LIMCH1: variants seen among roughly 807,000 people sequenced by gnomAD.
The protein encoded by LIMCH1 is LIM and calponin homology domains 1, also known as LIM and calponin homology domains-containing protein 1.
LIMCH1 carries 113 observed loss-of-function variants against 176.5 expected under a neutral mutation model. That is an observed-to-expected ratio of 0.64 (90% CI 0.55 to 0.75). The LOEUF (loss-of-function observed/expected upper bound fraction) is 0.75, where lower values mean the gene tolerates loss of function less well. Among genes scored for constraint, LIMCH1 ranks in the 30% least tolerant of loss-of-function variants. The pLI is 0.00. For missense variants in LIMCH1, 1,674 were observed against 1,814.9 expected, an observed-to-expected ratio of 0.92 and a Z score of 1.41; for synonymous variants, 619 against 645.9, an observed-to-expected ratio of 0.96 and a Z score of 0.63.
chr4:41,697,268 A>G lies in LIMCH1; in HGVS notation c.*83A>G, dbSNP rs1731391335. ...AACTGCTTAACAAAATCCCAAGCTC[A>G]GGGGCTTCTCAGCATTTACCTAATT... On this transcript the variant is annotated 3_prime_UTR_variant, in exon 32 of 32. Coordinates refer to ENST00000503057, the MANE Select transcript of LIMCH1 (RefSeq NM_001330672.2). The G allele has an allele frequency of 9.2e-6, 12 of 1,302,168 alleles. No homozygotes were observed. The highest frequency in any genetic ancestry group is 1.5e-5 in the African/African-American group (1 of 68,472). The allele number at this position is 1,302,168 out of a possible 1,614,324, so 80.7% of individuals were successfully genotyped here.
chr4:41,552,605 A>T (rs1424713838), intron 1 of LIMCH1, among the ~76,000 whole-genome samples: 1 of 152,174 alleles, frequency 6.6e-6, no homozygotes, highest in Non-Finnish European at 1.5e-5. Context: ...ATAAACATGG[A>T]TATTTAAAAA....
At chr4:41,642,238 T>A (rs2093853294) in intron 14 of LIMCH1, among the ~76,000 whole-genome samples, 1 of 152,178 alleles carries the variant, frequency 6.6e-6, no homozygotes, top group African/African-American at 2.4e-5. Context: ...GAGGTTTAAG[T>A]CTTCTAAGAT....
intron 1 of LIMCH1, among the ~76,000 whole-genome samples, chr4:41,421,349 T>C (rs2060591104): frequency 6.6e-6 from 1 of 152,188 alleles, no homozygotes; most frequent in Non-Finnish European, 1.5e-5. Context: ...GTCAGATCGC[T>C]GATTCAGGTG....
At chr4:41,473,552 C>A (rs368495640) in intron 1 of LIMCH1, among the ~76,000 whole-genome samples, 1 of 152,138 alleles carries the variant, frequency 6.6e-6, no homozygotes, top group East Asian at 1.9e-4. Context: ...ATACAAGAAT[C>A]AACTGAAAAT....
intron 1 of LIMCH1, among the ~76,000 whole-genome samples, chr4:41,458,773 C>CAAAA (rs779184137): frequency 1.7e-4 from 9 of 53,330 alleles, no homozygotes; most frequent in African/African-American, 1.7e-4. Flanking sequence ...ACTCTGTCAC[C>CAAAA]AAAAAAAAAA....
At chr4:41,407,634 G>A (rs990808607) in intron 1 of LIMCH1, among the ~76,000 whole-genome samples, 4 of 152,040 alleles carry the variant, frequency 2.6e-5, no homozygotes, top group Non-Finnish European at 1.5e-5. Context: ...GCCCTCTGCG[G>A]AAGGTGCCAG....
At chr4:41,682,285 AGT>A in intron 25 of LIMCH1, 46 bp from the exon 26 acceptor site, 1 of 1,464,018 alleles carries the variant, frequency 6.8e-7, no homozygotes, top group Non-Finnish European at 9.5e-7. Context: ...AGGGTTATAC[AGT>A]GTTTTTAAAA....
chr4:41,421,291 C>T (rs77506188), intron 1 of LIMCH1, among the ~76,000 whole-genome samples: 2,604 of 152,218 alleles, frequency 0.017, 71 homozygotes, highest in African/African-American at 0.059. Context: ...AGAGTCATAC[C>T]TGGGTGTGAA....
intron 1 of LIMCH1, among the ~76,000 whole-genome samples, chr4:41,400,979 G>T (rs894137927): frequency 5.9e-5 from 9 of 152,086 alleles, no homozygotes; most frequent in Non-Finnish European, 1.2e-4. Flanking sequence ...CATTTTGTAG[G>T]TTGCCTGTTC....
intron 1 of LIMCH1, among the ~76,000 whole-genome samples, chr4:41,424,045 C>T (rs1238957881): frequency 3.3e-5 from 5 of 152,118 alleles, no homozygotes; most frequent in African/African-American, 1.2e-4. Context: ...CCTGCCTTTT[C>T]TTTCTCTCAT....
rs780655948 is a variant in LIMCH1 at position 41,666,542 on chromosome 4, C to T, written c.3292-19C>T. 5 of 1,527,004 alleles carry T rather than the reference C, an allele frequency of 3.3e-6. No individual in the cohort carries two copies. Among genetic ancestry groups the T allele is most frequent in the Admixed American group, 3.3e-5 (2 of 59,786 alleles). 94.6% of individuals were successfully genotyped at this position (1,527,004 alleles called of 1,614,324 possible). A position where few individuals can be genotyped will look rare whatever the true frequency, so the allele number is the denominator to read the frequency against. Reference sequence around the variant, plus strand: ...ATGGACAGTTCTTGCAATATTTATACCTGTTTTCCATTGTCCAGGTGGTAA... The same window carrying T: ...ATGGACAGTTCTTGCAATATTTATATCTGTTTTCCATTGTCCAGGTGGTAA... On this transcript the variant is annotated intron_variant, in intron 20 of 31. Transcript: ENST00000503057.
chr4:41,606,943 C>T (rs527864092), intron 4 of LIMCH1, among the ~76,000 whole-genome samples: 74 of 152,262 alleles, frequency 4.9e-4, no homozygotes, highest in African/African-American at 1.6e-3. Flanking sequence ...GGATTATAGG[C>T]AGCCACCACT....
In LIMCH1 at chr4:41,538,310, G is replaced by T; in HGVS notation, c.-281G>T. 1.8e-5 allele frequency: 18 copies of T among 985,416 alleles called. No homozygotes were observed. Among genetic ancestry groups the T allele is most frequent in the Non-Finnish European group, 2.2e-5 (18 of 829,950 alleles). 61.0% of individuals were successfully genotyped at this position (985,416 alleles called of 1,614,324 possible). On this transcript the variant is annotated 5_prime_UTR_variant, in exon 1 of 32. Transcript: ENST00000503057. Reference sequence around the variant, plus strand: ...GATGCCCCTCCCATCTCCCAGAGTGGGTTGGCTGGAGTTCATTGCGGAGCA... The same window carrying T: ...GATGCCCCTCCCATCTCCCAGAGTGTGTTGGCTGGAGTTCATTGCGGAGCA...
chr4:41,374,216 G>A (rs935281572), intron 1 of LIMCH1, among the ~76,000 whole-genome samples: 1 of 152,154 alleles, frequency 6.6e-6, no homozygotes, highest in African/African-American at 2.4e-5. Context: ...GGGCAGGAGG[G>A]TAGAGGTAGG....
At chr4:41,424,171 C>G (rs1224454091) in intron 1 of LIMCH1, among the ~76,000 whole-genome samples, 1 of 152,126 alleles carries the variant, frequency 6.6e-6, no homozygotes, top group Non-Finnish European at 1.5e-5. Context: ...CTCCCTCCTT[C>G]TCTCCCTCTC....
chr4:41,607,993 A>G (rs1208938501), intron 4 of LIMCH1, among the ~76,000 whole-genome samples: 1 of 152,232 alleles, frequency 6.6e-6, no homozygotes, highest in Non-Finnish European at 1.5e-5. Flanking sequence ...TCAGCTGGGA[A>G]ACACAAAAGC....
At chr4:41,524,546 C>G in intron 3 of LIMCH1, 10 of 1,118,314 alleles carry the variant, frequency 8.9e-6, no homozygotes, top group Non-Finnish European at 1.4e-5. Context: ...CATGACAGCA[C>G]CATTTATTAC....
rs527630854 is a variant in LIMCH1, at chr4:41,613,563, G to T, written c.107G>T (p.Arg36Leu). Residue 36 changes from arginine to leucine, a missense_variant, in exon 5 of 32, where the codon CGC (arginine) becomes CTC (leucine). Coordinates refer to ENST00000503057, the MANE Select transcript of LIMCH1 (RefSeq NM_001330672.2). ...SERSDSLSPP[R>L]HGRDDSFDSL... ...CGCAGCGACTCCCTCTCTCCTCCTCGCCACGGCAGAGATGATTCCTTCGAC... is the reference window on the plus strand; with the variant it reads ...CGCAGCGACTCCCTCTCTCCTCCTCTCCACGGCAGAGATGATTCCTTCGAC... 6.2e-7 allele frequency: 1 copy of T among 1,614,026 alleles called. No individual in the cohort carries two copies. Among genetic ancestry groups the T allele is most frequent in the Admixed American group, 1.7e-5 (1 of 60,000 alleles).
intron 20 of LIMCH1, among the ~76,000 whole-genome samples, chr4:41,665,840 A>G (rs974986851): frequency 6.6e-6 from 1 of 152,208 alleles, no homozygotes; most frequent in Non-Finnish European, 1.5e-5. Flanking sequence ...AAGGTCATTC[A>G]TATTAGGGAG....
Sources: gnomAD v4.1 joint callset for allele counts (sites outside exome capture counted in the v4.1 genomes callset) on GRCh38, gnomAD v4.1.1 for gene constraint, MANE v1.5 for transcripts, NCBI Gene and HGNC (gene_info 2026-07-23, HGNC 2026-07-21) for gene names.